The following INTU variants were observed in gnomAD, a reference collection of about 807,000 sequenced individuals.
The protein encoded by INTU is protein inturned.
Under a neutral mutation model 100.5 loss-of-function variants are expected in INTU, and 68 were observed. The ratio of observed to expected loss-of-function variants is 0.68; its 90% CI spans 0.56 to 0.83. The LOEUF (loss-of-function observed/expected upper bound fraction) is 0.83, where lower values mean the gene tolerates loss of function less well. Among genes scored for constraint, INTU ranks in the 40% least tolerant of loss-of-function variants. The pLI is 0.00. For missense variants in INTU, 1,071 were observed against 1,114.7 expected (o/e 0.96, Z 0.56); for synonymous variants, 357 against 395.7 (o/e 0.90, Z 1.16).
chr4:127,666,387 T>A (rs1369609923), intron 4 of INTU, among the ~76,000 whole-genome samples: 1 of 152,144 alleles, frequency 6.6e-6, no homozygotes, highest in Non-Finnish European at 1.5e-5. Flanking sequence ...TTGGGAGTCT[T>A]GTCATTCTAA....
intron 13 of INTU, among the ~76,000 whole-genome samples, chr4:127,709,716 C>CACAG (rs1553926799): frequency 2.2e-4 from 33 of 149,784 alleles, no homozygotes; most frequent in African/African-American, 7.6e-4. Flanking sequence ...AGAATTCACA[C>CACAG]ACACACACAC....
At chr4:127,704,323 T>G in intron 10 of INTU, 33 bp downstream of exon 10, 4 of 1,503,842 alleles carry the variant, frequency 2.7e-6, no homozygotes, top group Non-Finnish European at 1.8e-6. Context: ...AATGTCCAGC[T>G]GCTGTATAAA....
chr4:127,635,739 G>T (rs937907579), intron 1 of INTU, among the ~76,000 whole-genome samples: 1 of 152,068 alleles, frequency 6.6e-6, no homozygotes, highest in African/African-American at 2.4e-5. Context: ...ACATGTATAC[G>T]TCTGTCAAGA....
rs1009787001 is a variant in INTU, at chr4:127,704,111, A to G, written c.1504-117A>G. On this transcript the variant is annotated intron_variant, in intron 9 of 15. Coordinates refer to ENST00000335251, the MANE Select transcript of INTU (RefSeq NM_015693.4). ...TGGTATATTGATTTCTAAAGATGGC[A>G]CTATGAAAAGTTTAGTTACTAAAGA... is the stretch of plus-strand genomic sequence containing the variant. 2.2e-5 allele frequency: 16 copies of G among 737,868 alleles called. No individual in the cohort carries two copies. In the Admixed American group the frequency reaches 3.5e-4, roughly 16 times the overall value. The allele number at this position is 737,868 out of a possible 1,614,324, so 45.7% of individuals were successfully genotyped here. A position where few individuals can be genotyped will look rare whatever the true frequency, so the allele number is the denominator to read the frequency against.
In INTU at chr4:127,718,534, G is replaced by A. The variant is rs1396829527; in HGVS notation, c.*2098G>A. The A allele has an allele frequency of 6.6e-6, 1 of 152,138 alleles. No homozygotes were observed. The highest frequency in any genetic ancestry group is 1.5e-5 in the Non-Finnish European group (1 of 68,038). The allele number at this position is 152,138 out of a possible 1,614,324, so 9.4% of individuals were successfully genotyped here. Reference sequence around the variant, plus strand: ...AATTCTATGAAGAATATCAATGGTAGTTTAATGGGAATAACATTGACTCTA... The same window carrying A: ...AATTCTATGAAGAATATCAATGGTAATTTAATGGGAATAACATTGACTCTA... On this transcript the variant is annotated 3_prime_UTR_variant, in exon 16 of 16. Transcript: ENST00000335251.
At chr4:127,682,554 A>C (rs1392724686) in intron 6 of INTU, among the ~76,000 whole-genome samples, 1 of 133,010 alleles carries the variant, frequency 7.5e-6, no homozygotes, top group Non-Finnish European at 1.5e-5. Context: ...ATGAGAACAC[A>C]TGGACACAGG....
chr4:127,708,376 C>T (rs1444196306), intron 12 of INTU, among the ~76,000 whole-genome samples, 195 bp from the exon 13 acceptor site: 1 of 152,112 alleles, frequency 6.6e-6, no homozygotes, highest in African/African-American at 2.4e-5. Context: ...CACCATCATG[C>T]CCTCCCAGGA....
At chr4:127,715,104 A>AG (rs1289615208) in intron 15 of INTU, among the ~76,000 whole-genome samples, 1 of 152,168 alleles carries the variant, frequency 6.6e-6, no homozygotes, top group Non-Finnish European at 1.5e-5. Context: ...CAAATACTAT[A>AG]GGAATTCTGA....
At chr4:127,656,093 T>C (rs1020715031) in intron 2 of INTU, among the ~76,000 whole-genome samples, 11 of 152,280 alleles carry the variant, frequency 7.2e-5, no homozygotes, top group Non-Finnish European at 7.3e-5. Context: ...GCACACGGTG[T>C]GCGCACCCAC....
At position 127,717,463 on chromosome 4, in the gene INTU, A is replaced by T. The variant is rs781400454; in HGVS notation, c.*1027A>T. On this transcript the variant is annotated 3_prime_UTR_variant, in exon 16 of 16. Transcript: ENST00000335251. ...TCAATGAACATATGTGTGCATATAT[A>T]TTTGTAATTGAATGATTTATATTAC... The T allele has an allele frequency of 5.3e-5, 8 of 152,068 alleles. No individual in the cohort carries two copies. Among genetic ancestry groups the T allele is most frequent in the Non-Finnish European group, 7.4e-5 (5 of 67,980 alleles). The allele number at this position is 152,068 out of a possible 1,614,324, so 9.4% of individuals were successfully genotyped here. A position where few individuals can be genotyped will look rare whatever the true frequency, so the allele number is the denominator to read the frequency against.
rs559644428 is a variant in INTU at position 127,678,315 on chromosome 4, T to G, written c.1181+4102T>G. 8.6e-3 allele frequency among the ~76,000 whole-genome samples: 1,315 copies of G among 152,070 alleles called. 16 individuals are homozygous for G. The highest frequency in any genetic ancestry group is 0.019 in the African/African-American group (794 of 41,450). ...ACATAATTGTCAGATTCACCAAAGT[T>G]GAAATGAAGGAAAAAATGTTAAGGG... is the stretch of plus-strand genomic sequence containing the variant. On this transcript the variant is annotated intron_variant, in intron 6 of 15. Transcript: ENST00000335251.
At chr4:127,667,124 A>G (rs1728732912) in intron 4 of INTU, among the ~76,000 whole-genome samples, 1 of 152,192 alleles carries the variant, frequency 6.6e-6, no homozygotes, top group Admixed American at 6.5e-5. Flanking sequence ...CGGGATGATA[A>G]CATCCTGAAT....
In INTU at chr4:127,713,976, C is replaced by G; in HGVS notation, c.2600C>G (p.Ala867Gly). ...GLNSGDHSDS[A>G]KSVSSLNPVK... ...AATAGTGGAGACCATTCAGATTCTG[C>G]AAAGTCAGTGTCTTCTCTTAACCCT... Residue 867 changes from alanine (A) to glycine (G), a missense_variant, in exon 15 of 16, where the codon GCA becomes GGA. Physicochemically the swap from Ala to Gly is moderately conservative, Grantham distance 60 (BLOSUM62 0). Transcript: ENST00000335251. 1 of 1,611,984 alleles carries G rather than the reference C, an allele frequency of 6.2e-7. No individual in the cohort carries two copies. Among genetic ancestry groups the G allele is most frequent in the Non-Finnish European group, 8.5e-7 (1 of 1,178,454 alleles).
At position 127,706,560 on chromosome 4, in the gene INTU, A is replaced by C; in HGVS notation, c.1862A>C (p.Asp621Ala). ...ASKAIGSPGP[D>A]CVYVDQVKTT... ...AAAGCTATTGGGAGTCCTGGACCAG[A>C]CTGTGTATATGTGGATCAAGTCAAA... is the stretch of plus-strand genomic sequence containing the variant. Residue 621 changes from aspartate (D) to alanine (A), a missense_variant, in exon 12 of 16, where the codon GAC becomes GCC. Physicochemically the swap from Asp to Ala is moderately radical, Grantham distance 126. Coordinates refer to ENST00000335251, the MANE Select transcript of INTU (RefSeq NM_015693.4). 1 of 1,614,026 alleles carries C rather than the reference A, an allele frequency of 6.2e-7. No individual in the cohort carries two copies. Among genetic ancestry groups the C allele is most frequent in the Non-Finnish European group, 8.5e-7 (1 of 1,179,936 alleles).
At chr4:127,661,933 C>G (rs768353749) in intron 3 of INTU, among the ~76,000 whole-genome samples, 2 of 152,154 alleles carry the variant, frequency 1.3e-5, no homozygotes, top group Non-Finnish European at 2.9e-5. Flanking sequence ...CTTTTCACCA[C>G]GTCTGCTCCA....
At chr4:127,670,938 C>G (rs1039756773) in intron 5 of INTU, among the ~76,000 whole-genome samples, 7 of 152,052 alleles carry the variant, frequency 4.6e-5, no homozygotes, top group African/African-American at 1.7e-4. Context: ...GAACCCATCT[C>G]TCTCACCATA....
chr4:127,688,749 G>T lies in INTU; in HGVS notation c.1449+882G>T, dbSNP rs189055552. Among the ~76,000 whole-genome samples, 25 of 152,228 alleles carry T rather than the reference G, an allele frequency of 1.6e-4. No homozygotes were observed. The East Asian group carries it at 2.3e-3, about 14-fold the overall frequency. ...ATGGAAGATTTATGAGTTATTACAC[G>T]TGAAGTATTTAGAATTGTGCCCGGC... On this transcript the variant is annotated intron_variant, in intron 8 of 15. Coordinates refer to ENST00000335251, the MANE Select transcript of INTU (RefSeq NM_015693.4).
chr4:127,654,914 G>A (rs1728105236), intron 2 of INTU, among the ~76,000 whole-genome samples: 1 of 144,158 alleles, frequency 6.9e-6, no homozygotes, highest in Non-Finnish European at 1.5e-5. Context: ...TGGAGGCTTT[G>A]CTCATTTCTT....
chr4:127,633,859 G>T lies in INTU; in HGVS notation c.146+679G>T, dbSNP rs181025875. On this transcript the variant is annotated intron_variant, in intron 1 of 15. Transcript: ENST00000335251. The stretch of plus-strand genomic sequence containing the variant: ...GTTATTTTGATTCACAGTATTCAGT[G>T]CTACTTCATTTTTAAGAAAAATCTA... 5.3e-5 allele frequency among the ~76,000 whole-genome samples: 8 copies of T among 152,318 alleles called. No individual in the cohort carries two copies. In the East Asian group the frequency reaches 1.3e-3, roughly 26 times the overall value.
Sources: allele counts gnomAD v4.1 joint callset (sites outside exome capture counted in the v4.1 genomes callset), GRCh38; gene constraint gnomAD v4.1.1; transcripts MANE v1.5; gene names NCBI Gene and HGNC (gene_info 2026-07-23, HGNC 2026-07-21).